Variants in TTC27 observed in about 807,000 individuals in gnomAD.
TTC27 encodes tetratricopeptide repeat protein 27.
Under a neutral mutation model 115.9 loss-of-function variants are expected in TTC27, and 79 were observed. The observed-to-expected ratio is 0.68, with a 90% CI of 0.57 to 0.82. TTC27 has a LOEUF of 0.82. Among genes scored for constraint, TTC27 ranks in the 40% least tolerant of loss-of-function variants. The pLI is 0.00. For missense variants in TTC27, 1,054 were observed against 993.1 expected (o/e 1.06, Z -0.82); for synonymous variants, 401 against 356.0 (o/e 1.13, Z -1.42).
chr2:32,671,565 T>C (rs1235637380), intron 7 of TTC27, among the ~76,000 whole-genome samples: 1 of 152,262 alleles, frequency 6.6e-6, no homozygotes, highest in Non-Finnish European at 1.5e-5. Context: ...ACTTTATATG[T>C]CTGTCTTTAT....
At chr2:32,780,850 G>GTT (rs141309612) in intron 14 of TTC27, among the ~76,000 whole-genome samples, 3,907 of 143,178 alleles carry the variant, frequency 0.027, 86 homozygotes, top group Middle Eastern at 0.04. Flanking sequence ...TCTAGTAGGT[G>GTT]TTTTTTTTTT....
At chr2:32,736,147 C>G (rs1220601156) in intron 11 of TTC27, among the ~76,000 whole-genome samples, 1 of 151,980 alleles carries the variant, frequency 6.6e-6, no homozygotes, top group African/African-American at 2.4e-5. Flanking sequence ...TTTCACTGAC[C>G]TTAACTCAGT....
chr2:32,630,733 C>T (rs1347221077), intron 2 of TTC27, 33 bp downstream of exon 2: 1 of 1,580,064 alleles, frequency 6.3e-7, no homozygotes, highest in Non-Finnish European at 8.6e-7. Context: ...CATAGAGGAA[C>T]AGAGCAAATA....
chr2:32,691,507 C>G (rs1235014119), intron 9 of TTC27, among the ~76,000 whole-genome samples: 3 of 151,962 alleles, frequency 2.0e-5, no homozygotes, highest in Non-Finnish European at 4.4e-5. Flanking sequence ...TCATGTTGCC[C>G]AGGCTGGTCT....
intron 13 of TTC27, among the ~76,000 whole-genome samples, chr2:32,772,823 C>T (rs535928410): frequency 3.9e-5 from 6 of 152,264 alleles, no homozygotes; most frequent in South Asian, 2.1e-4. Context: ...TGTGTACCTT[C>T]GAACCCAGTC....
chr2:32,817,047 A>G (rs1671522424), intron 18 of TTC27, among the ~76,000 whole-genome samples: 1 of 152,184 alleles, frequency 6.6e-6, no homozygotes, highest in Non-Finnish European at 1.5e-5. Flanking sequence ...TAACTCACCA[A>G]AAATCACCTG....
chr2:32,797,624 A>C (rs1670754234), intron 16 of TTC27, among the ~76,000 whole-genome samples: 1 of 152,230 alleles, frequency 6.6e-6, no homozygotes, highest in African/African-American at 2.4e-5. Flanking sequence ...AATGAATCAA[A>C]TACTTAAATT....
chr2:32,758,087 C>T (rs911113444), intron 12 of TTC27, among the ~76,000 whole-genome samples: 1 of 152,128 alleles, frequency 6.6e-6, no homozygotes, highest in African/African-American at 2.4e-5. Context: ...GGTCTGGGAC[C>T]AAACCCGCAA....
rs746137975 is a variant in TTC27 at position 32,758,311 on chromosome 2, A to T, written c.1472A>T (p.Gln491Leu). The T allele has an allele frequency of 1.2e-6, 2 of 1,614,064 alleles. No individual in the cohort carries two copies. The highest frequency in any genetic ancestry group is 2.2e-5 in the South Asian group (2 of 91,086). ...TTCTAGGCAGAAGAAATCCTTAGAC[A>T]AGAGCTGGAGAAAAAAGAAACGCCT... Reference protein sequence around the residue: ...QHGKAEEILRQELEKKETPSL... With the variant: ...QHGKAEEILRLELEKKETPSL... Residue 491 changes from glutamine (Q) to leucine (L), a missense_variant, in exon 13 of 20, where the codon CAA becomes CTA. Transcript: ENST00000317907.
At chr2:32,798,273 G>A (rs539177268) in intron 16 of TTC27, among the ~76,000 whole-genome samples, 37 of 151,732 alleles carry the variant, frequency 2.4e-4, no homozygotes, top group African/African-American at 8.0e-4. Context: ...GGTGGCGGGC[G>A]CCTGTAGTCC....
rs377573025 is a variant in TTC27 at position 32,802,495 on chromosome 2, T to C, written c.1999-8529T>C. Among the ~76,000 whole-genome samples the C allele has an allele frequency of 9.9e-5, 15 of 152,284 alleles. No homozygotes were observed. The South Asian group carries it at 2.1e-3, about 21-fold the overall frequency. ...AGGAGTCTCTCCACATTATTTCTGC[T>C]TCCTCTCCTCATCCTCTTTGGAACT... On this transcript the variant is annotated intron_variant, in intron 16 of 19. Coordinates refer to ENST00000317907, the MANE Select transcript of TTC27 (RefSeq NM_017735.5).
chr2:32,712,161 G>T (rs1667602953), intron 10 of TTC27, among the ~76,000 whole-genome samples: 1 of 152,162 alleles, frequency 6.6e-6, no homozygotes, highest in Non-Finnish European at 1.5e-5. Context: ...AGGAATGGCA[G>T]ATTTGGAAGA....
rs142261280 is a variant in TTC27 at position 32,768,254 on chromosome 2, A to G, written c.1681-9628A>G. On this transcript the variant is annotated intron_variant, in intron 13 of 19. Coordinates refer to ENST00000317907, the MANE Select transcript of TTC27 (RefSeq NM_017735.5). ...TACTTTAATGTAGTTTTATTTTTCA[A>G]TAATTTTGTTTTTGAAAATAATTTT... Among the ~76,000 whole-genome samples the G allele has an allele frequency of 9.1e-3, 1,392 of 152,302 alleles. 12 individuals are homozygous for G. The highest frequency in any genetic ancestry group is 0.024 in the Middle Eastern group (7 of 292).
chr2:32,637,621 G>T (rs1489646805), intron 3 of TTC27, among the ~76,000 whole-genome samples: 3 of 152,230 alleles, frequency 2.0e-5, no homozygotes, highest in East Asian at 3.9e-4. Context: ...GTGAGCCACC[G>T]GGCCTGGCCA....
chr2:32,720,119 T>C (rs929937714), intron 10 of TTC27, among the ~76,000 whole-genome samples: 3 of 152,208 alleles, frequency 2.0e-5, no homozygotes, highest in African/African-American at 7.2e-5. Context: ...CTCCCCATTC[T>C]TATTGGCACC....
At chr2:32,679,651 T>C (rs567246918) in intron 9 of TTC27, among the ~76,000 whole-genome samples, 1 of 152,366 alleles carries the variant, frequency 6.6e-6, no homozygotes, top group South Asian at 2.1e-4. Flanking sequence ...CTTCCTTTGT[T>C]ATTTTTCAGA....
chr2:32,755,595 G>T (rs181892190), intron 12 of TTC27, among the ~76,000 whole-genome samples: 2 of 150,112 alleles, frequency 1.3e-5, no homozygotes, highest in South Asian at 4.3e-4. Context: ...GAGGGAGACG[G>T]TGGAAAGAGA....
At chr2:32,749,786 A>G (rs1224617486) in intron 12 of TTC27, among the ~76,000 whole-genome samples, 2 of 152,214 alleles carry the variant, frequency 1.3e-5, no homozygotes, top group Non-Finnish European at 2.9e-5. Flanking sequence ...GCATGTTAAT[A>G]TATACTACTT....
chr2:32,780,147 T>TAAA, intron 14 of TTC27: 1 of 450,372 alleles, frequency 2.2e-6, no homozygotes, highest in Non-Finnish European at 4.7e-6. Context: ...CTTTACAAGA[T>TAAA]AGTTTTGGCT....
Sources: allele counts gnomAD v4.1 joint callset (sites outside exome capture counted in the v4.1 genomes callset), GRCh38; gene constraint gnomAD v4.1.1; transcripts MANE v1.5; gene names NCBI Gene and HGNC (gene_info 2026-07-23, HGNC 2026-07-21).